SPAG17: variants seen among roughly 807,000 people sequenced by gnomAD.
SPAG17 encodes the protein sperm-associated antigen 17.
A neutral mutation model predicts 273.6 loss-of-function variants in SPAG17; 169 were observed. The observed-to-expected ratio is 0.62, with a 90% confidence interval of 0.55 to 0.70. SPAG17 has a LOEUF of 0.70. Among genes scored for constraint, SPAG17 ranks in the 30% least tolerant of loss-of-function variants. The pLI, the probability that SPAG17 is intolerant of heterozygous loss-of-function variation, is 0.00. For synonymous variants in SPAG17, 825 were observed against 873.2 expected (o/e 0.94, Z 0.97); for missense variants, 2,557 against 2,627.8 (o/e 0.97, Z 0.59).
intron 20 of SPAG17, among the ~76,000 whole-genome samples, chr1:118,043,359 G>A (rs1486618063): frequency 6.6e-6 from 1 of 152,142 alleles, no homozygotes; most frequent in East Asian, 1.9e-4. Context: ...TAACTTAAAA[G>A]AGATTATTGT....
At chr1:118,159,178 T>C (rs1659793385) in intron 1 of SPAG17, among the ~76,000 whole-genome samples, 1 of 152,232 alleles carries the variant, frequency 6.6e-6, no homozygotes, top group Non-Finnish European at 1.5e-5. Flanking sequence ...ATTCCTTTGA[T>C]GTTTAGACAA....
intron 20 of SPAG17, among the ~76,000 whole-genome samples, chr1:118,044,149 C>A (rs1650082868): frequency 6.6e-6 from 1 of 152,116 alleles, no homozygotes; most frequent in African/African-American, 2.4e-5. Flanking sequence ...TATATGTATA[C>A]TTTTGTTTTC....
intron 40 of SPAG17, 64 bp downstream of exon 40, chr1:117,987,770 C>G (rs1656587276): frequency 1.3e-6 from 2 of 1,556,650 alleles, no homozygotes; most frequent in Non-Finnish European, 1.8e-6. Flanking sequence ...TTTGGCCTAT[C>G]CCATTCTCAG....
intron 34 of SPAG17, among the ~76,000 whole-genome samples, chr1:117,995,346 C>G (rs1657538643): frequency 6.6e-6 from 1 of 152,020 alleles, no homozygotes; most frequent in Non-Finnish European, 1.5e-5. Flanking sequence ...TCTATCTCTC[C>G]CAGTAACCTA....
rs771904466 is a variant in SPAG17, at chr1:118,005,494, G to A, written c.4696C>T (p.Leu1566=). Residue 1566 remains leucine, a synonymous_variant, in exon 32 of 49, where the codon CTG becomes TTG. Coordinates refer to ENST00000336338, the MANE Select transcript of SPAG17 (RefSeq NM_206996.4). The part of the protein sequence containing the change: ...IYYPFQKREQ[L]RAGRYIMRHT... ...CTCATGATGTACCTGCCAGCTCGCAGCTGCTCACGCTTTTGAAAAGGATAG... is the reference window on the plus strand; with the variant it reads ...CTCATGATGTACCTGCCAGCTCGCAACTGCTCACGCTTTTGAAAAGGATAG... 1 of 1,613,616 alleles carries A rather than the reference G, an allele frequency of 6.2e-7. No individual in the cohort carries two copies. The highest frequency in any genetic ancestry group is 1.1e-5 in the South Asian group (1 of 90,892).
chr1:118,031,591 C>T (rs1243133510), intron 25 of SPAG17, 101 bp downstream of exon 25: 4 of 1,197,960 alleles, frequency 3.3e-6, no homozygotes, highest in Admixed American at 2.1e-5. Context: ...CACAATAAAA[C>T]GTATGCACTA....
intron 32 of SPAG17, among the ~76,000 whole-genome samples, chr1:118,003,162 C>G (rs1025161348): frequency 1.3e-5 from 2 of 152,210 alleles, no homozygotes; most frequent in Non-Finnish European, 2.9e-5. Flanking sequence ...CCCCCACTCT[C>G]TTCTGGCTTG....
Position 118,040,964 on chromosome 1 carries a change from T to C in SPAG17, c.3055-123A>G, listed in dbSNP as rs913343263. The C allele has an allele frequency of 2.0e-5, 14 of 689,830 alleles. No homozygotes were observed. The Admixed American group carries it at 2.9e-4, about 14-fold the overall frequency. The allele number at this position is 689,830 out of a possible 1,614,324, so 42.7% of individuals were successfully genotyped here. ...CTGCTAAGTGATATGTCTGTCACTT[T>C]GCAGACTCAGAGGCCAGTGTTCATA... On this transcript the variant is annotated intron_variant, in intron 21 of 48. Transcript: ENST00000336338.
At chr1:118,043,880 T>C (rs142896782) in intron 20 of SPAG17, among the ~76,000 whole-genome samples, 2 of 152,350 alleles carry the variant, frequency 1.3e-5, no homozygotes, top group Non-Finnish European at 1.5e-5. Flanking sequence ...CCTTTCTTTG[T>C]TTCACTTTTG....
chr1:118,140,645 T>C (rs903093976), intron 3 of SPAG17, among the ~76,000 whole-genome samples: 4 of 152,244 alleles, frequency 2.6e-5, no homozygotes, highest in African/African-American at 9.6e-5. Flanking sequence ...TCCTTCTAAA[T>C]ATTCTCCTTG....
intron 21 of SPAG17, 112 bp from the exon 22 acceptor site, chr1:118,040,953 G>A: frequency 7.0e-6 from 5 of 711,732 alleles, no homozygotes; most frequent in Middle Eastern, 3.5e-4. Context: ...TAAGTGATAT[G>A]TCTGTCACTT....
At chr1:118,059,663 A>G (rs1052810807) in intron 18 of SPAG17, among the ~76,000 whole-genome samples, 1 of 152,160 alleles carries the variant, frequency 6.6e-6, no homozygotes, top group African/African-American at 2.4e-5. Flanking sequence ...TGACCTTGTC[A>G]TTATATAATG....
intron 4 of SPAG17, among the ~76,000 whole-genome samples, chr1:118,104,947 C>T (rs937094397): frequency 1.3e-5 from 2 of 152,100 alleles, no homozygotes; most frequent in Non-Finnish European, 2.9e-5. Flanking sequence ...AGATGTTATG[C>T]TTGCAGGCTG....
At chr1:118,128,341 C>A (rs1412247415) in intron 3 of SPAG17, among the ~76,000 whole-genome samples, 1 of 152,110 alleles carries the variant, frequency 6.6e-6, no homozygotes, top group South Asian at 2.1e-4. Context: ...GTGTCGACTG[C>A]AAAGAGGGAC....
intron 4 of SPAG17, among the ~76,000 whole-genome samples, chr1:118,106,840 T>C (rs1656427884): frequency 6.6e-6 from 1 of 152,168 alleles, no homozygotes; most frequent in African/African-American, 2.4e-5. Context: ...CCCTCCAGGT[T>C]CTCCTAGGTA....
At chr1:118,124,985 T>A (rs1402151785) in intron 3 of SPAG17, among the ~76,000 whole-genome samples, 1 of 152,178 alleles carries the variant, frequency 6.6e-6, no homozygotes, top group African/African-American at 2.4e-5. Context: ...AATCCCCATC[T>A]TAGCTGCAAG....
intron 10 of SPAG17, among the ~76,000 whole-genome samples, chr1:118,088,896 T>C (rs1325751468): frequency 2.6e-5 from 4 of 152,168 alleles, no homozygotes; most frequent in Non-Finnish European, 5.9e-5. Flanking sequence ...AAAAATGATA[T>C]TTGAAGATAG....
chr1:118,165,648 T>TC (rs1006927826), intron 1 of SPAG17, among the ~76,000 whole-genome samples: 5 of 142,280 alleles, frequency 3.5e-5, no homozygotes, highest in South Asian at 2.3e-4. Context: ...AAACTTTCTT[T>TC]TTTTTTTTTT....
intron 20 of SPAG17, among the ~76,000 whole-genome samples, chr1:118,053,647 T>C (rs1210910620): frequency 6.6e-6 from 1 of 151,800 alleles, no homozygotes; most frequent in Non-Finnish European, 1.5e-5. Context: ...AATAAATCTA[T>C]AAAAATATTC....
Sources: gnomAD v4.1 joint callset for allele counts (sites outside exome capture counted in the v4.1 genomes callset) on GRCh38, gnomAD v4.1.1 for gene constraint, MANE v1.5 for transcripts, NCBI Gene and HGNC (gene_info 2026-07-23, HGNC 2026-07-21) for gene names.